Variants in ABI1 observed in about 807,000 individuals in gnomAD.
ABI1 encodes the protein Abelson interactor 1.
ABI1 carries 14 observed loss-of-function variants against 54.6 expected under a neutral mutation model. The ratio of observed to expected loss-of-function variants is 0.26; its 90% CI spans 0.17 to 0.40. The LOEUF (loss-of-function observed/expected upper bound fraction) is 0.40, where lower values mean the gene tolerates loss of function less well. Ranked by LOEUF, ABI1 falls within the 10% of genes least tolerant of loss-of-function variation. The pLI, the probability that ABI1 is intolerant of heterozygous loss-of-function variation, is 1.00. For missense variants in ABI1, 443 were observed against 598.3 expected (o/e 0.74, Z 2.71); for synonymous variants, 194 against 209.3 (o/e 0.93, Z 0.63).
intron 7 of ABI1, chr10:26,764,067 C>T (rs1164987897): frequency 1.3e-6 from 1 of 771,468 alleles, no homozygotes; most frequent in Non-Finnish European, 2.0e-6. Context: ...AAAAAGATAC[C>T]CCCATGTAAA....
chr10:26,810,118 G>T (rs911630551), intron 2 of ABI1, among the ~76,000 whole-genome samples: 1 of 152,160 alleles, frequency 6.6e-6, no homozygotes, highest in African/African-American at 2.4e-5. Flanking sequence ...CACCTGAAAT[G>T]AAGGCAGACT....
chr10:26,834,138 G>C (rs1335056725), intron 1 of ABI1, among the ~76,000 whole-genome samples: 1 of 152,130 alleles, frequency 6.6e-6, no homozygotes, highest in African/African-American at 2.4e-5. Context: ...GGTGAGGCAG[G>C]AGAATCGCTT....
intron 3 of ABI1, among the ~76,000 whole-genome samples, chr10:26,775,683 C>T (rs1841312472): frequency 6.6e-6 from 1 of 152,144 alleles, no homozygotes. Context: ...TTATACTCAG[C>T]TAAGTACTAT....
chr10:26,848,060 G>C (rs778261144), intron 1 of ABI1, among the ~76,000 whole-genome samples: 12 of 151,900 alleles, frequency 7.9e-5, no homozygotes, highest in Non-Finnish European at 1.6e-4. Flanking sequence ...AATTAGCTGG[G>C]CACGGTGGCA....
intron 2 of ABI1, among the ~76,000 whole-genome samples, chr10:26,794,803 T>C (rs1033047022): frequency 6.6e-6 from 1 of 152,134 alleles, no homozygotes; most frequent in East Asian, 1.9e-4. Context: ...AAAAAGCTTA[T>C]AGCCAATAAT....
chr10:26,769,077 G>A (rs1840333639), intron 5 of ABI1, 85 bp from the exon 6 acceptor site: 3 of 1,032,158 alleles, frequency 2.9e-6, no homozygotes, highest in Admixed American at 2.8e-5. Flanking sequence ...CTCCCTTTGT[G>A]ACCATGTATA....
chr10:26,757,336 A>G (rs2132498698), intron 8 of ABI1, among the ~76,000 whole-genome samples: 1 of 152,320 alleles, frequency 6.6e-6, no homozygotes, highest in Admixed American at 6.5e-5. Flanking sequence ...TGTGGTCATT[A>G]ATTAAAGTAT....
At chr10:26,854,235 A>G (rs1432238323) in intron 1 of ABI1, among the ~76,000 whole-genome samples, 1 of 152,248 alleles carries the variant, frequency 6.6e-6, no homozygotes, top group Non-Finnish European at 1.5e-5. Context: ...TAAACAGACC[A>G]GGACTAGTCA....
chr10:26,764,926 C>T (rs545616963), intron 7 of ABI1, among the ~76,000 whole-genome samples: 7 of 152,180 alleles, frequency 4.6e-5, no homozygotes, highest in East Asian at 3.9e-4. Flanking sequence ...GGAACCAATC[C>T]CCCATGGACA....
chr10:26,785,280 C>T (rs1241003854), intron 2 of ABI1, among the ~76,000 whole-genome samples: 6 of 152,116 alleles, frequency 3.9e-5, no homozygotes, highest in African/African-American at 1.4e-4. Flanking sequence ...GTTTCTGTAC[C>T]TGTTGTGAGT....
At chr10:26,843,485 A>ATAT (rs1251930001) in intron 1 of ABI1, among the ~76,000 whole-genome samples, 1 of 34,162 alleles carries the variant, frequency 2.9e-5, no homozygotes, top group Non-Finnish European at 5.1e-5. Flanking sequence ...AAAAAAAAAA[A>ATAT]ATATATATAT....
chr10:26,767,254 C>T (rs372242962), intron 6 of ABI1, among the ~76,000 whole-genome samples: 1 of 152,166 alleles, frequency 6.6e-6, no homozygotes, highest in African/African-American at 2.4e-5. Flanking sequence ...GATACAGTAA[C>T]TGCAGATATC....
intron 2 of ABI1, among the ~76,000 whole-genome samples, chr10:26,786,610 T>G (rs1169725844): frequency 6.6e-6 from 1 of 152,192 alleles, no homozygotes; most frequent in Non-Finnish European, 1.5e-5. Flanking sequence ...AGAATTAAGT[T>G]GAGGAATCCC....
At chr10:26,755,157 G>T (rs527732140) in intron 9 of ABI1, among the ~76,000 whole-genome samples, 1 of 152,082 alleles carries the variant, frequency 6.6e-6, no homozygotes, top group Non-Finnish European at 1.5e-5. Context: ...GAACCTTTAC[G>T]TAGGTTCAAT....
intron 1 of ABI1, among the ~76,000 whole-genome samples, chr10:26,836,738 T>C (rs562468232): frequency 1.3e-5 from 2 of 152,338 alleles, no homozygotes; most frequent in African/African-American, 4.8e-5. Flanking sequence ...TTGATGATAC[T>C]GAGCTGAAGA....
chr10:26,788,236 T>C (rs747507570), intron 2 of ABI1, among the ~76,000 whole-genome samples: 117 of 152,208 alleles, frequency 7.7e-4, no homozygotes, highest in Non-Finnish European at 1.5e-3. Context: ...CCGGCATGAT[T>C]CTTAGGCCTC....
chr10:26,825,914 T>C (rs1437687255), intron 1 of ABI1, among the ~76,000 whole-genome samples: 1 of 152,162 alleles, frequency 6.6e-6, no homozygotes, highest in East Asian at 1.9e-4. Flanking sequence ...TTCTCATTAG[T>C]TCTCTTGCTG....
At chr10:26,761,629 T>TATATATAC (rs1839190969) in intron 7 of ABI1, among the ~76,000 whole-genome samples, 2 of 82,524 alleles carry the variant, frequency 2.4e-5, no homozygotes, top group African/African-American at 4.9e-5. Flanking sequence ...TATATATATA[T>TATATATAC]ATATATATAT....
rs373351238 is a variant in ABI1 at position 26,751,589 on chromosome 10, G to A, written c.1270+9C>T. On this transcript the variant is annotated intron_variant, in intron 10 of 10. Transcript: ENST00000376140. ...TTTCCTTCACATCAACTCAATGACTGTACCTTACCTTTCTCAATATAATTC... is the reference window on the plus strand; with the variant it reads ...TTTCCTTCACATCAACTCAATGACTATACCTTACCTTTCTCAATATAATTC... 1.1e-5 allele frequency: 18 copies of A among 1,609,670 alleles called. No individual in the cohort carries two copies. In the African/African-American group the frequency reaches 2.3e-4, roughly 20 times the overall value.
Sources: allele counts gnomAD v4.1 joint callset (sites outside exome capture counted in the v4.1 genomes callset), GRCh38; gene constraint gnomAD v4.1.1; transcripts MANE v1.5; gene names NCBI Gene and HGNC (gene_info 2026-07-23, HGNC 2026-07-21).